Variants in GRIP2 observed in about 807,000 individuals in gnomAD.
GRIP2 encodes glutamate receptor-interacting protein 2.
GRIP2 carries 58 observed loss-of-function variants against 108.3 expected under a neutral mutation model. That is an observed-to-expected ratio of 0.54 (90% CI 0.43 to 0.67). The LOEUF (loss-of-function observed/expected upper bound fraction) is 0.67. GRIP2 is among the 30% of genes least tolerant of loss of function. GRIP2 has a pLI of 0.00. For synonymous variants in GRIP2, 586 were observed against 598.2 expected (o/e 0.98, Z 0.30); for missense variants, 1,278 against 1,430.6 (o/e 0.89, Z 1.72).
In GRIP2 at chr3:14,521,771, C is replaced by T. The variant is rs759111954; in HGVS notation, c.583G>A (p.Val195Met). The change falls in exon 7 of 24, where the codon GTG becomes ATG. Residue 195 changes from valine to methionine, a missense_variant. Coordinates refer to ENST00000621039, the MANE Select transcript of GRIP2 (RefSeq NM_001080423.4). The surrounding 1 kb of genome is among the most constrained non-coding windows in gnomAD (Gnocchi z 5.1). Reference protein sequence around the residue: ...GPADREGSLKVGDRLLSVDGI... With the variant: ...GPADREGSLKMGDRLLSVDGI... The stretch of plus-strand genomic sequence containing the variant: ...TCGACACTGAGCAGCCTGTCGCCCA[C>T]CTTCAGGGAGCCCTCCCTGTAGGGA... 6.2e-7 allele frequency: 1 copy of T among 1,602,406 alleles called. No homozygotes were observed. The highest frequency in any genetic ancestry group is 8.5e-7 in the Non-Finnish European group (1 of 1,175,070).
intron 1 of GRIP2, among the ~76,000 whole-genome samples, chr3:14,536,769 G>A (rs1178761006): frequency 6.6e-6 from 1 of 152,100 alleles, no homozygotes; most frequent in African/African-American, 2.4e-5. Context: ...TCAAAATCAG[G>A]GTCACCCACA....
rs368413467 is a variant in GRIP2 at position 14,517,155 on chromosome 3, G to A, written c.1215C>T (p.Asn405=). 1.8e-4 allele frequency: 293 copies of A among 1,609,562 alleles called. No homozygotes were observed. Among genetic ancestry groups the A allele is most frequent in the Non-Finnish European group, 2.3e-4 (276 of 1,178,394 alleles). The change falls in exon 11 of 24, where the codon AAC becomes AAT. Residue 405 remains asparagine, a synonymous_variant. Coordinates refer to ENST00000621039, the MANE Select transcript of GRIP2 (RefSeq NM_001080423.4). Reference sequence around the variant, plus strand: ...GGGATCCACGGGGAAGGGTGCTGGGGTTGTTGCAGGAAAAGGCGTGGTTCA... The same window carrying A: ...GGGATCCACGGGGAAGGGTGCTGGGATTGTTGCAGGAAAAGGCGTGGTTCA... ...PTLNHAFSCN[N]PSTLPRGSQP... is the part of the protein sequence containing the mutation.
the GRIP2 span, among the ~76,000 whole-genome samples, chr3:14,582,790 T>C: frequency 6.6e-6 from 1 of 152,190 alleles, no homozygotes; most frequent in Non-Finnish European, 1.5e-5. Flanking sequence ...TCATTTTCAC[T>C]CCGTGACCTA....
chr3:14,513,877 A>C, intron 12 of GRIP2, 67 bp from the exon 13 acceptor site: 1 of 1,569,056 alleles, frequency 6.4e-7, no homozygotes. Context: ...CAAGAACGCC[A>C]TGCAGGGCAG....
the GRIP2 span, among the ~76,000 whole-genome samples, chr3:14,596,065 C>T: frequency 3.7e-4 from 56 of 152,350 alleles, no homozygotes; most frequent in African/African-American, 1.3e-3. Context: ...GTCATGTTAG[C>T]AGGGACAACA....
intron 17 of GRIP2, among the ~76,000 whole-genome samples, chr3:14,509,180 G>A (rs916072231): frequency 1.3e-5 from 2 of 151,916 alleles, no homozygotes; most frequent in African/African-American, 2.4e-5. Context: ...CCTCCGGGAC[G>A]CGTCCTGCCC....
At chr3:14,535,747 A>G (rs1324424152) in intron 1 of GRIP2, among the ~76,000 whole-genome samples, 1 of 152,254 alleles carries the variant, frequency 6.6e-6, no homozygotes, top group Non-Finnish European at 1.5e-5. Context: ...ATTGAAGCCC[A>G]GGCCTTCTGG....
rs962736376 is a variant in GRIP2 at position 14,505,514 on chromosome 3, C to A, written c.2573+101G>T. 7.4e-7 allele frequency: 1 copy of A among 1,350,772 alleles called. No homozygotes were observed. Among genetic ancestry groups the A allele is most frequent in the African/African-American group, 1.4e-5 (1 of 69,408 alleles). 83.7% of individuals were successfully genotyped at this position (1,350,772 alleles called of 1,614,324 possible). A position where few individuals can be genotyped will look rare whatever the true frequency, so the allele number is the denominator to read the frequency against. ...GAGGCACCCCTCCTCAGGAGCCCGC[C>A]AAGACTCTCCATTCCCCCACCACTT... On this transcript the variant is annotated intron_variant, in intron 20 of 23. Transcript: ENST00000621039. This position sits in a 1 kb window ranked among gnomAD's most constrained non-coding sequence, Gnocchi z 4.2.
chr3:14,497,755 A>C (rs1418232440), intron 21 of GRIP2, among the ~76,000 whole-genome samples: 1 of 152,208 alleles, frequency 6.6e-6, no homozygotes, highest in Non-Finnish European at 1.5e-5. Context: ...GGGGTCATGT[A>C]GTGGTCCAAA....
Position 14,522,066 on chromosome 3 carries a change from C to T in GRIP2, c.567-279G>A, listed in dbSNP as rs1022261325. The T allele has an allele frequency of 8.8e-6, 4 of 455,076 alleles. No homozygotes were observed. The highest frequency in any genetic ancestry group is 4.1e-5 in the Admixed American group (1 of 24,172). The allele number at this position is 455,076 out of a possible 1,614,324, so 28.2% of individuals were successfully genotyped here. A position where few individuals can be genotyped will look rare whatever the true frequency, so the allele number is the denominator to read the frequency against. On this transcript the variant is annotated intron_variant, in intron 6 of 23. Transcript: ENST00000621039. This position sits in a 1 kb window ranked among gnomAD's most constrained non-coding sequence, Gnocchi z 4.3. ...TGTGCAGTAATTCACAGACTCAGTG[C>T]AGAACCCTGAAATGTCTGAGCTGGG...
the GRIP2 span, among the ~76,000 whole-genome samples, chr3:14,595,132 A>C: frequency 5.2e-4 from 79 of 152,266 alleles, no homozygotes; most frequent in African/African-American, 1.8e-3. Context: ...TCCTGGGCTC[A>C]AGTGATCCTC....
the GRIP2 span, among the ~76,000 whole-genome samples, chr3:14,563,761 A>G: frequency 1.3e-5 from 2 of 152,152 alleles, no homozygotes; most frequent in African/African-American, 2.4e-5. Flanking sequence ...CTAGTGCTGA[A>G]TCAGAAACTT....
chr3:14,507,051 G>A lies in GRIP2; in HGVS notation c.2219-71C>T. On this transcript the variant is annotated intron_variant, in intron 18 of 23. Transcript: ENST00000621039. The surrounding 1 kb of genome is among the most constrained non-coding windows in gnomAD (Gnocchi z 4.6). ...AGTGAGCCTCAGTTTCTGCATTTCA[G>A]CCTGGTCTGGAAACTCACAGGCAGT... 7.0e-7 allele frequency: 1 copy of A among 1,426,328 alleles called. No homozygotes were observed. Among genetic ancestry groups the A allele is most frequent in the Non-Finnish European group, 9.5e-7 (1 of 1,050,898 alleles). The allele number at this position is 1,426,328 out of a possible 1,614,324, so 88.4% of individuals were successfully genotyped here.
At chr3:14,535,041 A>C (rs1694801868) in intron 1 of GRIP2, among the ~76,000 whole-genome samples, 1 of 152,082 alleles carries the variant, frequency 6.6e-6, no homozygotes, top group South Asian at 2.1e-4. Context: ...CTGAGAAAAC[A>C]AATGCCCAGA....
At chr3:14,572,729 T>C in the GRIP2 span, 1 of 508,304 alleles carries the variant, frequency 2.0e-6, no homozygotes, top group African/African-American at 2.0e-5. Context: ...AGTTCTGTCT[T>C]CAGGAAACAG....
At chr3:14,497,320 A>G (rs1559329761) in intron 21 of GRIP2, among the ~76,000 whole-genome samples, 3 of 152,170 alleles carry the variant, frequency 2.0e-5, no homozygotes, top group Admixed American at 6.5e-5. Context: ...CAACATAAAT[A>G]AGATAAAATT....
chr3:14,573,119 C>G, the GRIP2 span: 1 of 1,433,822 alleles, frequency 7.0e-7, no homozygotes, highest in Admixed American at 1.7e-5. Flanking sequence ...AGTTGTCGAT[C>G]CAGGGCAGCA....
chr3:14,550,809 A>G (rs560218331), intron 1 of GRIP2, among the ~76,000 whole-genome samples: 5 of 152,300 alleles, frequency 3.3e-5, no homozygotes, highest in African/African-American at 1.2e-4. Context: ...GCGCATGGGC[A>G]CTGAGACACA....
Position 14,505,071 on chromosome 3 carries a change from A to T in GRIP2, c.2573+544T>A, listed in dbSNP as rs918740933. Among the ~76,000 whole-genome samples, 1 of 152,134 alleles carries T rather than the reference A, an allele frequency of 6.6e-6. No individual in the cohort carries two copies. The highest frequency in any genetic ancestry group is 2.4e-5 in the African/African-American group (1 of 41,440). On this transcript the variant is annotated intron_variant, in intron 20 of 23. Transcript: ENST00000621039. This position sits in a 1 kb window ranked among gnomAD's most constrained non-coding sequence, Gnocchi z 4.2. The stretch of plus-strand genomic sequence containing the variant: ...AATTTGAGCTGAGTTTTGAGGGATG[A>T]GTAGGGATTTGCCAGGAGAGACCAG...
Sources: allele counts gnomAD v4.1 joint callset (sites outside exome capture counted in the v4.1 genomes callset), GRCh38; gene constraint gnomAD v4.1.1; non-coding constraint Gnocchi (gnomAD v3.1); transcripts MANE v1.5; gene names NCBI Gene and HGNC (gene_info 2026-07-23, HGNC 2026-07-21).